Variants in ROS1 observed in about 807,000 individuals in gnomAD.
ROS1 encodes the protein ROS proto-oncogene 1, receptor tyrosine kinase, also known as proto-oncogene tyrosine-protein kinase ROS.
A neutral mutation model predicts 273.5 loss-of-function variants in ROS1; 263 were observed. That is an observed-to-expected ratio of 0.96 (90% CI 0.87 to 1.06). ROS1 has a LOEUF of 1.06. Ranked by LOEUF, ROS1 falls within the 50% of genes least tolerant of loss-of-function variation. The pLI is 0.00. For synonymous variants in ROS1, 1,008 were observed against 954.1 expected (o/e 1.06, Z -1.04); for missense variants, 2,833 against 2,751.1 (o/e 1.03, Z -0.67).
Position 117,288,764 on chromosome 6 carries a change from T to C in ROS1, c.6754A>G (p.Ile2252Val), listed in dbSNP as rs954647191. The change falls in exon 44 of 44, where the codon ATT becomes GTT. Residue 2252 changes from isoleucine (I) to valine (V), a missense_variant. Coordinates refer to ENST00000368507, the MANE Select transcript of ROS1 (RefSeq NM_001378902.1). ...GDVICLNSDD[I>V]MPVALMETKN... ...GTTTCCATTAAAGCAACTGGCATAA[T>C]GTCATCTGAATTCAAACAAATCACA... The C allele has an allele frequency of 4.3e-6, 7 of 1,611,044 alleles. No individual in the cohort carries two copies. The African/African-American group carries it at 8.0e-5, about 18-fold the overall frequency.
rs1467543506 is a variant in ROS1 at position 117,320,020 on chromosome 6, T to A, written c.5770A>T (p.Thr1924Ser). Residue 1924 changes from threonine (T) to serine (S), a missense_variant, in exon 37 of 44, where the codon ACC (threonine) becomes TCC (serine). Coordinates refer to ENST00000368507, the MANE Select transcript of ROS1 (RefSeq NM_001378902.1). Reference protein sequence around the residue: ...NACYAIHTLPTQEEIENLPAF... With the variant: ...NACYAIHTLPSQEEIENLPAF... ...GGAAGATTTTCAATCTCCTCTTGGGTTGGAAGAGTACTGTAAAATAGCAAC... is the reference window on the plus strand; with the variant it reads ...GGAAGATTTTCAATCTCCTCTTGGGATGGAAGAGTACTGTAAAATAGCAAC... The A allele has an allele frequency of 5.6e-6, 9 of 1,612,932 alleles. No homozygotes were observed. Among genetic ancestry groups the A allele is most frequent in the Non-Finnish European group, 7.6e-6 (9 of 1,179,416 alleles).
intron 4 of ROS1, among the ~76,000 whole-genome samples, chr6:117,409,921 T>C (rs1485708986): frequency 6.6e-6 from 1 of 152,186 alleles, no homozygotes; most frequent in African/African-American, 2.4e-5. Context: ...AGTACACACA[T>C]ACATGTTGAA....
intron 43 of ROS1, among the ~76,000 whole-genome samples, chr6:117,294,118 T>C (rs912302839): frequency 2.0e-5 from 3 of 152,120 alleles, no homozygotes; most frequent in Non-Finnish European, 2.9e-5. Flanking sequence ...TCTTTCATAA[T>C]AAAAGCTCTC....
At chr6:117,306,546 C>G (rs1317071210) in intron 42 of ROS1, among the ~76,000 whole-genome samples, 2 of 152,246 alleles carry the variant, frequency 1.3e-5, no homozygotes, top group African/African-American at 4.8e-5. Context: ...GAGAGAAGGG[C>G]AGGAATGCTC....
At chr6:117,377,793 A>G (rs1217455882) in intron 18 of ROS1, among the ~76,000 whole-genome samples, 2 of 152,198 alleles carry the variant, frequency 1.3e-5, no homozygotes, top group South Asian at 2.1e-4. Context: ...AATATTCACA[A>G]CACATATTTT....
chr6:117,347,905 C>G (rs1206943979), intron 27 of ROS1, among the ~76,000 whole-genome samples: 1 of 152,034 alleles, frequency 6.6e-6, no homozygotes, highest in African/African-American at 2.4e-5. Flanking sequence ...ACTTGCATAG[C>G]TGGGATAAAT....
At chr6:117,404,232 A>AAG in intron 6 of ROS1, 48 bp downstream of exon 6, 1 of 1,571,102 alleles carries the variant, frequency 6.4e-7, no homozygotes, top group East Asian at 2.2e-5. Flanking sequence ...AAAAAAAAAA[A>AAG]AAATTGGGAA....
chr6:117,292,329 A>T (rs978895653), intron 43 of ROS1, among the ~76,000 whole-genome samples: 1 of 152,144 alleles, frequency 6.6e-6, no homozygotes, highest in Non-Finnish European at 1.5e-5. Flanking sequence ...ATGAGCAAAG[A>T]GTTGAATTTT....
intron 32 of ROS1, among the ~76,000 whole-genome samples, chr6:117,333,675 T>C (rs1777260349): frequency 6.6e-6 from 1 of 152,180 alleles, no homozygotes; most frequent in South Asian, 2.1e-4. Context: ...GATGCAAGGC[T>C]GATTCAACAT....
chr6:117,387,713 T>C, intron 14 of ROS1, 67 bp downstream of exon 14: 1 of 1,527,114 alleles, frequency 6.5e-7, no homozygotes, highest in Non-Finnish European at 8.8e-7. Context: ...GGCAAGGAAA[T>C]TTAAAGGGCA....
chr6:117,337,363 AT>A, intron 31 of ROS1, 23 bp from the exon 32 acceptor site: 1 of 1,569,678 alleles, frequency 6.4e-7, no homozygotes, highest in Non-Finnish European at 8.6e-7. Flanking sequence ...GTCTCGATTA[AT>A]ATTTTTGTTT....
chr6:117,417,794 T>A (rs541584013), intron 2 of ROS1, among the ~76,000 whole-genome samples: 2 of 152,348 alleles, frequency 1.3e-5, no homozygotes, highest in South Asian at 4.1e-4. Flanking sequence ...CTTTTTCCCC[T>A]CTAGTCCATC....
At chr6:117,341,377 A>C (rs1332282342) in intron 30 of ROS1, 23 bp downstream of exon 30, 1 of 1,611,482 alleles carries the variant, frequency 6.2e-7, no homozygotes, top group Non-Finnish European at 8.5e-7. Context: ...GACAATAAAG[A>C]GTGCCTAGTA....
intron 4 of ROS1, among the ~76,000 whole-genome samples, chr6:117,412,308 T>C (rs1774978182): frequency 6.6e-6 from 1 of 151,798 alleles, no homozygotes; most frequent in Non-Finnish European, 1.5e-5. Flanking sequence ...TAAATATATA[T>C]GTATATATAT....
In ROS1 at chr6:117,360,366, C is replaced by T. The variant is rs752818337; in HGVS notation, c.3406G>A (p.Asp1136Asn). Residue 1136 changes from aspartate to asparagine, a missense_variant, in exon 23 of 44, where the codon GAC becomes AAC. By Grantham distance (23) the Asp-to-Asn change is conservative. Coordinates refer to ENST00000368507, the MANE Select transcript of ROS1 (RefSeq NM_001378902.1). ...FTSKGPGPYA[D>N]VVKSTTSEIN... Reference sequence around the variant, plus strand: ...CCTGATGTTGTAGACTTTACAACGTCAGCATATGGTCCTGGCCCCTTAGAT... The same window carrying T: ...CCTGATGTTGTAGACTTTACAACGTTAGCATATGGTCCTGGCCCCTTAGAT... 7 of 1,613,196 alleles carry T rather than the reference C, an allele frequency of 4.3e-6. No homozygotes were observed. Among genetic ancestry groups the T allele is most frequent in the Non-Finnish European group, 5.9e-6 (7 of 1,179,724 alleles).
rs2128617316 is a variant in ROS1 at position 117,337,316 on chromosome 6, C to T, written c.5086G>A (p.Val1696Ile). 1 of 1,605,306 alleles carries T rather than the reference C, an allele frequency of 6.2e-7. No homozygotes were observed. Among genetic ancestry groups the T allele is most frequent in the Non-Finnish European group, 8.5e-7 (1 of 1,177,094 alleles). The change falls in exon 32 of 44, where the codon GTT becomes ATT. Residue 1696 changes from valine (V) to isoleucine (I), a missense_variant. By Grantham distance (29) the Val-to-Ile change is conservative. Coordinates refer to ENST00000368507, the MANE Select transcript of ROS1 (RefSeq NM_001378902.1). ...GGACCTTGGCTGCATGAAGTTTTAA[C>T]ATGGTAAAACTCATTGTATTTCCAC... The part of the protein sequence containing the change: ...QKWKYNEFYH[V>I]KTSCSQGPAY...
chr6:117,311,198 T>C (rs1775520084), intron 39 of ROS1, 81 bp from the exon 40 acceptor site: 6 of 718,886 alleles, frequency 8.3e-6, no homozygotes, highest in Non-Finnish European at 1.4e-5. Context: ...TATAAGTGGA[T>C]ACATGTATAT....
At position 117,291,146 on chromosome 6, in the gene ROS1, AT is replaced by A. The variant is rs370830188; in HGVS notation, c.6716-2345del. 3.2e-3 allele frequency among the ~76,000 whole-genome samples: 484 copies of A among 152,178 alleles called. 2 individuals are homozygous for A. Among genetic ancestry groups the A allele is most frequent in the African/African-American group, 0.011 (449 of 41,506 alleles). On this transcript the variant is annotated intron_variant, in intron 43 of 43. Coordinates refer to ENST00000368507, the MANE Select transcript of ROS1 (RefSeq NM_001378902.1). ...TTTAGTGATTTCCACATCTCTTTTC[AT>A]TCCTTATCTTCAGGATTTACATTCA...
At position 117,385,760 on chromosome 6, in the gene ROS1, G is replaced by T. The variant is rs1334242622; in HGVS notation, c.2212C>A (p.Pro738Thr). 3 of 1,614,160 alleles carry T rather than the reference G, an allele frequency of 1.9e-6. No individual in the cohort carries two copies. In the Admixed American group the frequency reaches 5.0e-5, roughly 27 times the overall value. Residue 738 changes from proline to threonine, a missense_variant, in exon 16 of 44, where the codon CCC (proline) becomes ACC (threonine). Pro to Thr is a conservative substitution (Grantham distance 38). Coordinates refer to ENST00000368507, the MANE Select transcript of ROS1 (RefSeq NM_001378902.1). The part of the protein sequence containing the change: ...GTDISENYHL[P>T]SIAGAGALAF... ...AAAGCCCCTGCTCCTGCAATGCTGG[G>T]TAGGTGATAATTCTCTGAGATATCC...
Sources: gnomAD v4.1 joint callset for allele counts (sites outside exome capture counted in the v4.1 genomes callset) on GRCh38, gnomAD v4.1.1 for gene constraint, MANE v1.5 for transcripts, NCBI Gene and HGNC (gene_info 2026-07-23, HGNC 2026-07-21) for gene names.